Variants in LMBR1 observed in about 807,000 individuals in gnomAD.
The protein encoded by LMBR1 is limb region 1 protein homolog.
LMBR1 carries 52 observed loss-of-function variants against 73.9 expected under a neutral mutation model. That is an observed-to-expected ratio of 0.70 (90% confidence interval 0.56 to 0.89). The LOEUF is 0.89. Among genes scored for constraint, LMBR1 ranks in the 40% least tolerant of loss-of-function variants. LMBR1 has a pLI of 0.00. For missense variants in LMBR1, 539 were observed against 579.8 expected, an observed-to-expected ratio of 0.93 and a Z score of 0.72; for synonymous variants, 215 against 209.4, an observed-to-expected ratio of 1.03 and a Z score of -0.23.
At chr7:156,833,412 G>C (rs1443475649) in intron 3 of LMBR1, 1 of 235,524 alleles carries the variant, frequency 4.2e-6, no homozygotes, top group East Asian at 1.4e-4. Context: ...AACCAGAGGA[G>C]ATGTCCGCTG....
intron 1 of LMBR1, among the ~76,000 whole-genome samples, chr7:156,878,139 G>C (rs776415661): frequency 2.0e-5 from 3 of 152,072 alleles, no homozygotes; most frequent in Non-Finnish European, 2.9e-5. Context: ...CTGAGAACTA[G>C]AACAAGAAAA....
intron 15 of LMBR1, among the ~76,000 whole-genome samples, chr7:156,715,336 C>CAA (rs149783926): frequency 6.6e-5 from 10 of 151,760 alleles, no homozygotes; most frequent in Admixed American, 5.2e-4. Context: ...GGATATATTC[C>CAA]AAAAAAAATC....
At chr7:156,788,017 A>C (rs1585792765) in intron 5 of LMBR1, among the ~76,000 whole-genome samples, 1 of 152,174 alleles carries the variant, frequency 6.6e-6, no homozygotes, top group South Asian at 2.1e-4. Context: ...CAGGTAATCC[A>C]CCTGCCTTGG....
downstream of LMBR1, chr7:156,676,248 T>TAC: frequency 2.6e-6 from 4 of 1,533,438 alleles, no homozygotes. Flanking sequence ...TGTGTGTGTA[T>TAC]ATATATATGT....
At chr7:156,793,242 G>A (rs910264118) in intron 5 of LMBR1, among the ~76,000 whole-genome samples, 1 of 152,200 alleles carries the variant, frequency 6.6e-6, no homozygotes, top group Non-Finnish European at 1.5e-5. Flanking sequence ...TACACAGGTA[G>A]TTAACAAATG....
Position 156,750,309 on chromosome 7 carries a change from T to C in LMBR1, c.757+6084A>G, listed in dbSNP as rs1203130901. 2.0e-5 allele frequency among the ~76,000 whole-genome samples: 3 copies of C among 152,006 alleles called. No individual in the cohort carries two copies. The East Asian group carries it at 5.8e-4, about 29-fold the overall frequency. ...GTGTGTGTGTGTACGTGTGTGTGTG[T>C]GTGTGTATCCTCTTAATGCTAGGAA... On this transcript the variant is annotated intron_variant, in intron 9 of 16. Coordinates refer to ENST00000353442, the MANE Select transcript of LMBR1 (RefSeq NM_022458.4).
rs74807353 is a variant in LMBR1, at chr7:156,750,523, G to A, written c.757+5870C>T. On this transcript the variant is annotated intron_variant, in intron 9 of 16. Transcript: ENST00000353442. ...GCACGTGGTCTTCCTGCCTCTCAAC[G>A]TTGGTGTGTCCTTGGCAGTCTCCAC... Among the ~76,000 whole-genome samples, 161 of 152,214 alleles carry A rather than the reference G, an allele frequency of 1.1e-3. 2 individuals are homozygous for A. The highest frequency in any genetic ancestry group is 3.5e-3 in the African/African-American group (147 of 41,518).
At chr7:156,699,324 A>G (rs1225236345) in intron 15 of LMBR1, among the ~76,000 whole-genome samples, 14 of 152,258 alleles carry the variant, frequency 9.2e-5, no homozygotes, top group South Asian at 8.3e-4. Context: ...CTATTTAATA[A>G]ATGGTGCTGG....
chr7:156,806,464 T>TA (rs35822447), intron 4 of LMBR1, among the ~76,000 whole-genome samples: 27 of 151,250 alleles, frequency 1.8e-4, no homozygotes, highest in South Asian at 1.0e-3. Flanking sequence ...TTATTTTTTT[T>TA]AAAAAAAACC....
intron 5 of LMBR1, among the ~76,000 whole-genome samples, chr7:156,786,424 A>C (rs1828118917): frequency 1.3e-5 from 2 of 152,184 alleles, no homozygotes; most frequent in African/African-American, 4.8e-5. Context: ...TTATTGTATA[A>C]ATTGCTCTAG....
At chr7:156,748,784 C>T (rs1820309017) in intron 9 of LMBR1, among the ~76,000 whole-genome samples, 3 of 152,054 alleles carry the variant, frequency 2.0e-5, no homozygotes, top group Non-Finnish European at 4.4e-5. Context: ...CCACTGCACC[C>T]AGCCAATTTG....
chr7:156,685,564 G>A lies in LMBR1; in HGVS notation c.1388-1401C>T, dbSNP rs1309401793. On this transcript the variant is annotated intron_variant, in intron 16 of 16. Transcript: ENST00000353442. This position sits in a 1 kb window ranked among gnomAD's most constrained non-coding sequence, Gnocchi z 4.1. ...CACTGCGGCACCATGGCACATATCT[G>A]TGCATCTAGAAACATATGAACCTAG... 6.6e-6 allele frequency among the ~76,000 whole-genome samples: 1 copy of A among 152,236 alleles called. No individual in the cohort carries two copies. Among genetic ancestry groups the A allele is most frequent in the East Asian group, 1.9e-4 (1 of 5,204 alleles).
At chr7:156,866,813 AG>A (rs1798534438) in intron 1 of LMBR1, among the ~76,000 whole-genome samples, 1 of 152,150 alleles carries the variant, frequency 6.6e-6, no homozygotes, top group Non-Finnish European at 1.5e-5. Flanking sequence ...CATCTTGGCC[AG>A]GCTGGTCTGG....
chr7:156,795,669 T>TA (rs1829951263), intron 5 of LMBR1, among the ~76,000 whole-genome samples: 1 of 152,102 alleles, frequency 6.6e-6, no homozygotes, highest in African/African-American at 2.4e-5. Flanking sequence ...CCTCCCACCT[T>TA]AGTCTCCAGA....
chr7:156,738,575 T>C (rs1255710670), intron 9 of LMBR1, among the ~76,000 whole-genome samples: 2 of 152,224 alleles, frequency 1.3e-5, no homozygotes, highest in African/African-American at 4.8e-5. Context: ...TCCTTCCTTC[T>C]GCTCGAAGAG....
At chr7:156,781,919 C>A (rs1827195730) in intron 5 of LMBR1, among the ~76,000 whole-genome samples, 1 of 152,218 alleles carries the variant, frequency 6.6e-6, no homozygotes, top group Non-Finnish European at 1.5e-5. Flanking sequence ...ACCATCACCA[C>A]CACCCATCTC....
intron 9 of LMBR1, among the ~76,000 whole-genome samples, chr7:156,742,904 T>C (rs1819167053): frequency 6.6e-6 from 1 of 152,160 alleles, no homozygotes; most frequent in South Asian, 2.1e-4. Flanking sequence ...TCATTCATGA[T>C]GAAGTTGGAT....
chr7:156,841,912 C>A (rs956981458), intron 1 of LMBR1, among the ~76,000 whole-genome samples: 5 of 151,046 alleles, frequency 3.3e-5, no homozygotes, highest in Non-Finnish European at 7.4e-5. Flanking sequence ...TATGAATAAT[C>A]CAGTAGAGAG....
intron 1 of LMBR1, among the ~76,000 whole-genome samples, chr7:156,837,664 G>A (rs2133932598): frequency 6.6e-6 from 1 of 151,840 alleles, no homozygotes; most frequent in African/African-American, 2.4e-5. Context: ...ACATACAAAT[G>A]GAATCACAAA....
Sources: gnomAD v4.1 joint callset for allele counts (sites outside exome capture counted in the v4.1 genomes callset) on GRCh38, gnomAD v4.1.1 for gene constraint, Gnocchi (gnomAD v3.1) non-coding constraint, MANE v1.5 for transcripts, NCBI Gene and HGNC (gene_info 2026-07-23, HGNC 2026-07-21) for gene names.